The following ARAP2 variants were observed in gnomAD, a reference collection of about 807,000 sequenced individuals.
ARAP2 encodes ArfGAP with RhoGAP domain, ankyrin repeat and PH domain 2.
A neutral mutation model predicts 194.5 loss-of-function variants in ARAP2; 148 were observed. That is an observed-to-expected ratio of 0.76 (90% CI 0.67 to 0.87). ARAP2 has a LOEUF of 0.87. ARAP2 is among the 40% of genes least tolerant of loss of function. The pLI is 0.00. For missense variants in ARAP2, 2,128 were observed against 1,989.7 expected (o/e 1.07, Z -1.32); for synonymous variants, 695 against 683.5 (o/e 1.02, Z -0.26).
intron 1 of ARAP2, among the ~76,000 whole-genome samples, chr4:36,240,406 T>C (rs1753286532): frequency 6.6e-6 from 1 of 152,238 alleles, no homozygotes; most frequent in Non-Finnish European, 1.5e-5. Flanking sequence ...TAGTAACGTA[T>C]ACATGTAGTT....
chr4:36,078,999 C>T (rs183218419), intron 31 of ARAP2, among the ~76,000 whole-genome samples: 2 of 151,976 alleles, frequency 1.3e-5, no homozygotes, highest in South Asian at 2.1e-4. Flanking sequence ...CATGGTGAAA[C>T]TCCATCTCTA....
chr4:36,185,733 T>C (rs1740383489), intron 8 of ARAP2, among the ~76,000 whole-genome samples: 1 of 151,782 alleles, frequency 6.6e-6, no homozygotes, highest in Admixed American at 6.6e-5. Context: ...CCCAGCACTT[T>C]GGGAGGCCGA....
intron 6 of ARAP2, among the ~76,000 whole-genome samples, chr4:36,196,938 C>T (rs1225545197): frequency 6.6e-6 from 1 of 151,558 alleles, no homozygotes; most frequent in East Asian, 1.9e-4. Context: ...TCATCTTTAA[C>T]GTCATTTCAC....
chr4:36,097,464 TG>T (rs1715621727), intron 27 of ARAP2, among the ~76,000 whole-genome samples: 1 of 152,134 alleles, frequency 6.6e-6, no homozygotes, highest in Non-Finnish European at 1.5e-5. Context: ...TAACTCTATA[TG>T]TAACAAAATG....
At chr4:36,026,775 C>A (rs1717988229) in intron 5 of ARAP2, among the ~76,000 whole-genome samples, 2 of 152,214 alleles carry the variant, frequency 1.3e-5, no homozygotes, top group Admixed American at 1.3e-4. Context: ...CCTCTCGGGA[C>A]AGATGCTGTG....
chr4:36,161,188 CAT>C (rs943647281), intron 12 of ARAP2, among the ~76,000 whole-genome samples: 1 of 141,732 alleles, frequency 7.1e-6, no homozygotes, highest in Non-Finnish European at 1.5e-5. Context: ...CACACACACA[CAT>C]ATACAGTTCT....
At chr4:36,007,672 T>C (rs1713576565) in intron 9 of ARAP2, among the ~76,000 whole-genome samples, 1 of 152,216 alleles carries the variant, frequency 6.6e-6, no homozygotes, top group Non-Finnish European at 1.5e-5. Flanking sequence ...GCTATCTACA[T>C]AGATATTTCA....
intron 19 of ARAP2, among the ~76,000 whole-genome samples, chr4:36,142,076 C>A (rs1010086097): frequency 1.3e-5 from 2 of 151,584 alleles, no homozygotes; most frequent in Non-Finnish European, 3.0e-5. Context: ...TCTATCTTGG[C>A]AAATGATACT....
At chr4:36,235,688 G>C (rs1055443821) in intron 1 of ARAP2, among the ~76,000 whole-genome samples, 1 of 152,230 alleles carries the variant, frequency 6.6e-6, no homozygotes, top group Non-Finnish European at 1.5e-5. Context: ...GTGATGAGAA[G>C]TGGAAGGTGC....
chr4:36,164,046 C>T (rs551087158), intron 11 of ARAP2, among the ~76,000 whole-genome samples: 1 of 152,210 alleles, frequency 6.6e-6, no homozygotes, highest in Non-Finnish European at 1.5e-5. Flanking sequence ...CCAGCATTCT[C>T]ACTGAAGCCT....
chr4:36,185,921 T>C (rs1051811631), intron 8 of ARAP2, among the ~76,000 whole-genome samples: 1 of 151,358 alleles, frequency 6.6e-6, no homozygotes, highest in Non-Finnish European at 1.5e-5. Context: ...GAGGTTGCAG[T>C]GAGCCGAGAT....
At chr4:36,046,274 C>T (rs1487214072) in intron 4 of ARAP2, among the ~76,000 whole-genome samples, 1 of 152,148 alleles carries the variant, frequency 6.6e-6, no homozygotes, top group East Asian at 1.9e-4. Flanking sequence ...GCTCCACTTC[C>T]TGGACTGAAA....
rs188872874 is a variant in ARAP2, at chr4:36,139,551, T to C, written c.3264-6162A>G. Among the ~76,000 whole-genome samples the C allele has an allele frequency of 1.2e-4, 18 of 151,838 alleles. No individual in the cohort carries two copies. In the East Asian group the frequency reaches 3.5e-3, roughly 29 times the overall value. Reference sequence around the variant, plus strand: ...TCATTCTTTCTACTGTCTGTATCAATTCATTCTCTGAACCACTTTGGGTCT... The same window carrying C: ...TCATTCTTTCTACTGTCTGTATCAACTCATTCTCTGAACCACTTTGGGTCT... On this transcript the variant is annotated intron_variant, in intron 19 of 32. Transcript: ENST00000303965.
downstream of ARAP2, among the ~76,000 whole-genome samples, chr4:36,063,440 T>A (rs975267041): frequency 2.1e-4 from 32 of 149,110 alleles, no homozygotes; most frequent in Admixed American, 1.1e-3. Context: ...ACATGTACCC[T>A]AGAACTTAAA....
rs147887665 is a variant in ARAP2 at position 36,178,166 on chromosome 4, C to A, written c.1679-161G>T. On this transcript the variant is annotated intron_variant, in intron 8 of 32. Transcript: ENST00000303965. Reference sequence around the variant, plus strand: ...TGTAAACAGAGCCAATGACTCAATTCTTTGAGGGAAAAGGAGTAACAATAT... The same window carrying A: ...TGTAAACAGAGCCAATGACTCAATTATTTGAGGGAAAAGGAGTAACAATAT... Among the ~76,000 whole-genome samples the A allele has an allele frequency of 7.9e-3, 1,203 of 152,294 alleles. 10 individuals carry two copies. The highest frequency in any genetic ancestry group is 0.011 in the Non-Finnish European group (754 of 68,014).
At chr4:36,217,819 AAAT>A (rs1748296310) in intron 2 of ARAP2, among the ~76,000 whole-genome samples, 1 of 151,424 alleles carries the variant, frequency 6.6e-6, no homozygotes, top group African/African-American at 2.4e-5. Flanking sequence ...AATACTAGAT[AAAT>A]AATACTAGAT....
At chr4:36,007,169 T>A (rs1017845664) in intron 9 of ARAP2, 1 of 152,242 alleles carries the variant, frequency 6.6e-6, no homozygotes, top group Non-Finnish European at 1.5e-5. Flanking sequence ...TTTAGCTTGA[T>A]ACTTGTAAAG....
intron 5 of ARAP2, among the ~76,000 whole-genome samples, chr4:36,028,928 G>A (rs1325326292): frequency 6.6e-6 from 1 of 151,626 alleles, no homozygotes; most frequent in Non-Finnish European, 1.5e-5. Context: ...TTCCAGTTTT[G>A]TTATACTGTG....
chr4:36,045,180 C>A (rs1229947207), intron 5 of ARAP2, among the ~76,000 whole-genome samples: 1 of 152,046 alleles, frequency 6.6e-6, no homozygotes, highest in African/African-American at 2.4e-5. Context: ...TCCAGCAATC[C>A]CAGTTCTGGG....
Sources: gnomAD v4.1 joint callset for allele counts (sites outside exome capture counted in the v4.1 genomes callset) on GRCh38, gnomAD v4.1.1 for gene constraint, MANE v1.5 for transcripts, NCBI Gene and HGNC (gene_info 2026-07-23, HGNC 2026-07-21) for gene names.